The following NAV2 variants were observed in gnomAD, a reference collection of about 807,000 sequenced individuals.
NAV2 encodes helicase, APC down-regulated 1.
NAV2 carries 54 observed loss-of-function variants against 223.2 expected under a neutral mutation model. The ratio of observed to expected loss-of-function variants is 0.24; its 90% CI spans 0.19 to 0.30. The LOEUF (loss-of-function observed/expected upper bound fraction) is 0.30. Among genes scored for constraint, NAV2 ranks in the 10% least tolerant of loss-of-function variants. The pLI is 1.00. For missense variants in NAV2, 2,806 were observed against 3,147.5 expected (o/e 0.89, Z 2.60); for synonymous variants, 1,279 against 1,239.3 (o/e 1.03, Z -0.67).
chr11:19,624,571 C>G (rs2047106828), intron 1 of NAV2, among the ~76,000 whole-genome samples: 1 of 152,222 alleles, frequency 6.6e-6, no homozygotes. Flanking sequence ...GGGATATAAT[C>G]TCCTGGTGTG....
At chr11:19,795,051 C>T (rs903123750) in intron 1 of NAV2, among the ~76,000 whole-genome samples, 4 of 152,164 alleles carry the variant, frequency 2.6e-5, no homozygotes, top group Non-Finnish European at 5.9e-5. Flanking sequence ...TTCCCAGGTA[C>T]AGGAGTGCAG....
chr11:19,956,857 G>C (rs2047928572), intron 10 of NAV2, among the ~76,000 whole-genome samples: 2 of 152,128 alleles, frequency 1.3e-5, no homozygotes, highest in Non-Finnish European at 2.9e-5. Context: ...AGGTCAGAGG[G>C]CAGGAATGAA....
chr11:19,743,403 C>T (rs571955842), intron 1 of NAV2, among the ~76,000 whole-genome samples: 1 of 152,328 alleles, frequency 6.6e-6, no homozygotes, highest in Admixed American at 6.5e-5. Flanking sequence ...TTTGCTGGCC[C>T]AGGATATCTC....
At chr11:20,108,062 T>C (rs1287494275) in intron 36 of NAV2, among the ~76,000 whole-genome samples, 1 of 152,212 alleles carries the variant, frequency 6.6e-6, no homozygotes, top group Non-Finnish European at 1.5e-5. Flanking sequence ...AAGGATGAAA[T>C]GGAAGTGCTC....
At chr11:19,360,776 A>G (rs1162318000) in intron 1 of NAV2, among the ~76,000 whole-genome samples, 4 of 152,194 alleles carry the variant, frequency 2.6e-5, no homozygotes, top group Admixed American at 1.3e-4. Flanking sequence ...TTTGTGGTAG[A>G]TGGTCAGGGG....
At chr11:19,976,368 T>C (rs1374949487) in intron 10 of NAV2, among the ~76,000 whole-genome samples, 1 of 152,150 alleles carries the variant, frequency 6.6e-6, no homozygotes, top group Non-Finnish European at 1.5e-5. Flanking sequence ...TCCCACGCTA[T>C]CTCTTCTGTC....
chr11:19,770,919 G>T (rs7108835), intron 1 of NAV2, among the ~76,000 whole-genome samples: 1 of 151,956 alleles, frequency 6.6e-6, no homozygotes, highest in Non-Finnish European at 1.5e-5. Context: ...TGATTTCTTC[G>T]TGAGGTCTCA....
At chr11:19,527,513 T>C (rs2043878993) in intron 1 of NAV2, among the ~76,000 whole-genome samples, 1 of 152,116 alleles carries the variant, frequency 6.6e-6, no homozygotes, top group African/African-American at 2.4e-5. Context: ...CAAGTCTGTA[T>C]CAGGCACCAG....
intron 1 of NAV2, among the ~76,000 whole-genome samples, chr11:19,721,411 G>A (rs1313090946): frequency 6.6e-6 from 1 of 152,220 alleles, no homozygotes. Flanking sequence ...ATTGTTGAGT[G>A]TTAACTGGCC....
intron 20 of NAV2, among the ~76,000 whole-genome samples, chr11:20,063,782 A>G (rs970055963): frequency 2.0e-5 from 3 of 152,230 alleles, no homozygotes; most frequent in Admixed American, 1.3e-4. Flanking sequence ...CCTTAATCCC[A>G]TGGAAACAAA....
At chr11:19,665,563 T>A (rs962356865) in intron 1 of NAV2, among the ~76,000 whole-genome samples, 1 of 152,172 alleles carries the variant, frequency 6.6e-6, no homozygotes, top group African/African-American at 2.4e-5. Flanking sequence ...CTGGAAGAGG[T>A]GTTGCTAGTA....
intron 1 of NAV2, among the ~76,000 whole-genome samples, chr11:19,407,810 T>A (rs759037902): frequency 6.6e-6 from 1 of 152,190 alleles, no homozygotes; most frequent in Non-Finnish European, 1.5e-5. Flanking sequence ...CTGTCTGGCT[T>A]AGCGGTGCTC....
Position 20,044,071 on chromosome 11 carries a change from A to C in NAV2, c.2998A>C (p.Ile1000Leu), listed in dbSNP as rs2057211070. 5 of 1,614,232 alleles carry C rather than the reference A, an allele frequency of 3.1e-6. No individual in the cohort carries two copies. Among genetic ancestry groups the C allele is most frequent in the Admixed American group, 1.7e-5 (1 of 60,026 alleles). Residue 1000 changes from isoleucine (I) to leucine (L), a missense_variant, in exon 13 of 38, where the codon ATA becomes CTA. Coordinates refer to ENST00000349880, the MANE Select transcript of NAV2 (RefSeq NM_145117.5). ...KKSDGGSDSG[I>L]KMEPGSKWRR... ...ATCAGACGGAGGCTCAGACAGCGGC[A>C]TAAAAATGGAGCCAGGTTCCAAGTG... is the stretch of plus-strand genomic sequence containing the variant.
chr11:19,394,500 C>T (rs1278790297), intron 1 of NAV2, among the ~76,000 whole-genome samples: 1 of 152,162 alleles, frequency 6.6e-6, no homozygotes, highest in African/African-American at 2.4e-5. Flanking sequence ...GACTCTGGCA[C>T]ACAATGGTCA....
rs1207261170 is a variant in NAV2, at chr11:20,055,809, G to A, written c.4683G>A (p.Pro1561=). The A allele has an allele frequency of 6.2e-6, 10 of 1,613,946 alleles. No individual in the cohort carries two copies. The highest frequency in any genetic ancestry group is 2.7e-5 in the African/African-American group (2 of 74,892). ...TCACCCAGATGAGCTTGTCCAACCC[G>A]ACCATGCTGAGGACTCACAGCCTCT... The part of the protein sequence containing the change: ...TTVTQMSLSN[P]TMLRTHSLSN... The change falls in exon 19 of 38, where the codon CCG becomes CCA. Residue 1561 remains proline, a synonymous_variant. Transcript: ENST00000349880.
At chr11:19,656,369 G>A (rs1483776631) in intron 1 of NAV2, among the ~76,000 whole-genome samples, 1 of 152,158 alleles carries the variant, frequency 6.6e-6, no homozygotes, top group East Asian at 1.9e-4. Context: ...CTGGCAGAAG[G>A]GCCATCAAAT....
chr11:20,103,194 G>T, intron 32 of NAV2, 61 bp from the exon 33 acceptor site: 1 of 1,532,794 alleles, frequency 6.5e-7, no homozygotes, highest in Non-Finnish European at 8.9e-7. Context: ...GCCCTGAGCG[G>T]TGTGTCTTCA....
At chr11:19,733,063 A>G (rs566639461) in intron 1 of NAV2, among the ~76,000 whole-genome samples, 1 of 152,370 alleles carries the variant, frequency 6.6e-6, no homozygotes, top group East Asian at 1.9e-4. Flanking sequence ...TCACTGGAGA[A>G]GGCAAACTTT....
Position 20,105,624 on chromosome 11 carries a change from G to A in NAV2, c.6738G>A (p.Arg2246=), listed in dbSNP as rs756105012. ...TCATGGAAACAGAGATCAGTGGGCG[G>A]GTGCGCAATATGGAGCTGGTAAAAA... The part of the protein sequence containing the change: ...RKLMETEISG[R]VRNMELVKII... Residue 2246 remains arginine (R), a synonymous_variant, in exon 35 of 38, where the codon CGG becomes CGA. Coordinates refer to ENST00000349880, the MANE Select transcript of NAV2 (RefSeq NM_145117.5). 6 of 1,614,038 alleles carry A rather than the reference G, an allele frequency of 3.7e-6. No individual in the cohort carries two copies. In the East Asian group the frequency reaches 6.7e-5, roughly 18 times the overall value.
Sources: gnomAD v4.1 joint callset for allele counts (sites outside exome capture counted in the v4.1 genomes callset) on GRCh38, gnomAD v4.1.1 for gene constraint, MANE v1.5 for transcripts, NCBI Gene and HGNC (gene_info 2026-07-23, HGNC 2026-07-21) for gene names.